Variants in NKAIN2 observed in about 807,000 individuals in gnomAD.
NKAIN2 encodes the protein sodium/potassium-transporting ATPase subunit beta-1-interacting protein 2.
Under a neutral mutation model 32.6 loss-of-function variants are expected in NKAIN2, and 14 were observed. The ratio of observed to expected loss-of-function variants is 0.43; its 90% CI spans 0.28 to 0.67. NKAIN2 has a LOEUF of 0.67. Ranked by LOEUF, NKAIN2 falls within the 30% of genes least tolerant of loss-of-function variation. The pLI is 0.17. For synonymous variants in NKAIN2, 80 were observed against 87.2 expected (o/e 0.92, Z 0.46); for missense variants, 198 against 258.3 (o/e 0.77, Z 1.60).
intron 3 of NKAIN2, among the ~76,000 whole-genome samples, chr6:124,458,700 G>A (rs1246583110): frequency 1.3e-5 from 2 of 151,746 alleles, no homozygotes; most frequent in African/African-American, 4.8e-5. Context: ...ATTTTGAGGC[G>A]ATCTTCTAAT....
intron 2 of NKAIN2, among the ~76,000 whole-genome samples, chr6:124,286,864 A>T (rs1400922163): frequency 3.3e-5 from 5 of 151,738 alleles, no homozygotes; most frequent in Non-Finnish European, 7.4e-5. Flanking sequence ...GTATTTTTTC[A>T]GTAGAGACGA....
At chr6:124,544,717 CATA>C (rs1780033110) in intron 3 of NKAIN2, among the ~76,000 whole-genome samples, 1 of 151,630 alleles carries the variant, frequency 6.6e-6, no homozygotes, top group Non-Finnish European at 1.5e-5. Flanking sequence ...GTCTGTTCAA[CATA>C]ATAGTTAGAC....
At chr6:124,806,037 A>G (rs753782500) in intron 5 of NKAIN2, among the ~76,000 whole-genome samples, 1 of 151,402 alleles carries the variant, frequency 6.6e-6, no homozygotes, top group Non-Finnish European at 1.5e-5. Flanking sequence ...AGTGACGGGG[A>G]GAACGGAACC....
chr6:124,148,950 C>T (rs933648535), intron 1 of NKAIN2, among the ~76,000 whole-genome samples: 3 of 152,168 alleles, frequency 2.0e-5, no homozygotes, highest in African/African-American at 7.2e-5. Context: ...TTCAGTTTCT[C>T]TATACCCTCA....
intron 4 of NKAIN2, among the ~76,000 whole-genome samples, chr6:124,714,228 G>A (rs1775640645): frequency 6.6e-6 from 1 of 152,114 alleles, no homozygotes; most frequent in Non-Finnish European, 1.5e-5. Context: ...AAGCTTCCCA[G>A]TTTTCTTTCA....
At chr6:124,426,301 A>G (rs1429502866) in intron 3 of NKAIN2, among the ~76,000 whole-genome samples, 3 of 152,152 alleles carry the variant, frequency 2.0e-5, no homozygotes, top group Admixed American at 1.3e-4. Flanking sequence ...TAAGACACTA[A>G]AAACATGATC....
chr6:124,631,284 A>AGAT (rs1259517841), intron 3 of NKAIN2, among the ~76,000 whole-genome samples: 1 of 152,184 alleles, frequency 6.6e-6, no homozygotes, highest in Non-Finnish European at 1.5e-5. Flanking sequence ...CAATGGAGGC[A>AGAT]GATTACTAAC....
At chr6:124,022,083 C>CCCAT (rs1281636971) in intron 1 of NKAIN2, among the ~76,000 whole-genome samples, 1 of 149,266 alleles carries the variant, frequency 6.7e-6, no homozygotes, top group Non-Finnish European at 1.5e-5. Flanking sequence ...AGTGCTGTTC[C>CCCAT]CCATCCTGTG....
chr6:124,203,938 G>A (rs551548922), intron 1 of NKAIN2, among the ~76,000 whole-genome samples: 31 of 151,954 alleles, frequency 2.0e-4, no homozygotes, highest in African/African-American at 7.5e-4. Flanking sequence ...TTTCGCAGAA[G>A]GATTGCTTCA....
intron 1 of NKAIN2, among the ~76,000 whole-genome samples, chr6:124,180,050 C>T (rs1231559828): frequency 1.3e-5 from 2 of 151,932 alleles, no homozygotes; most frequent in Non-Finnish European, 2.9e-5. Context: ...AAGTTTTCTC[C>T]TTTCATGGGT....
intron 3 of NKAIN2, among the ~76,000 whole-genome samples, chr6:124,394,573 GAGGAT>G (rs573214821): frequency 4.7e-4 from 71 of 150,712 alleles, no homozygotes; most frequent in African/African-American, 1.7e-3. Flanking sequence ...TGTAATTATA[GAGGAT>G]AGAAGTCCCA....
chr6:124,452,536 A>G (rs1375415737), intron 3 of NKAIN2, among the ~76,000 whole-genome samples: 1 of 152,128 alleles, frequency 6.6e-6, no homozygotes, highest in Non-Finnish European at 1.5e-5. Flanking sequence ...TAAATATGTA[A>G]CCTTTTTACT....
rs144791764 is a variant in NKAIN2, at chr6:124,808,416, T to A, written c.536-9971T>A. Among the ~76,000 whole-genome samples, 3 of 152,244 alleles carry A rather than the reference T, an allele frequency of 2.0e-5. No individual in the cohort carries two copies. The East Asian group carries it at 5.8e-4, about 29-fold the overall frequency. ...TATCTTAATAGATGCAGAAAAGGCC[T>A]TTGACAAAATTCAACAACGCTTCAT... On this transcript the variant is annotated intron_variant, in intron 5 of 6. Coordinates refer to ENST00000368417, the MANE Select transcript of NKAIN2 (RefSeq NM_001040214.3).
At chr6:124,123,380 A>G (rs1177304061) in intron 1 of NKAIN2, among the ~76,000 whole-genome samples, 1 of 152,136 alleles carries the variant, frequency 6.6e-6, no homozygotes, top group Non-Finnish European at 1.5e-5. Flanking sequence ...TGAGACCAAA[A>G]AAAGAACCAA....
At chr6:124,152,866 T>C (rs1279183131) in intron 1 of NKAIN2, among the ~76,000 whole-genome samples, 4 of 151,880 alleles carry the variant, frequency 2.6e-5, no homozygotes, top group Non-Finnish European at 5.9e-5. Context: ...TGGATGGAAC[T>C]GGAGGATGTT....
intron 2 of NKAIN2, among the ~76,000 whole-genome samples, chr6:124,340,057 C>A (rs150605865): frequency 0.01 from 1,562 of 152,020 alleles, 12 homozygotes; most frequent in South Asian, 0.032. Context: ...ATAGGGAAAG[C>A]CCCTTTTATT....
At chr6:124,796,283 G>T (rs998499933) in intron 5 of NKAIN2, among the ~76,000 whole-genome samples, 1 of 152,138 alleles carries the variant, frequency 6.6e-6, no homozygotes, top group Admixed American at 6.5e-5. Context: ...TCTTTGCCTT[G>T]TAGACGGCAC....
At chr6:124,542,558 C>T (rs1779949934) in intron 3 of NKAIN2, among the ~76,000 whole-genome samples, 2 of 152,060 alleles carry the variant, frequency 1.3e-5, no homozygotes, top group Non-Finnish European at 2.9e-5. Flanking sequence ...TGAAGACCTC[C>T]ACAACTGCCT....
chr6:124,086,995 C>T (rs992416689), intron 1 of NKAIN2, among the ~76,000 whole-genome samples: 1 of 151,758 alleles, frequency 6.6e-6, no homozygotes, highest in Non-Finnish European at 1.5e-5. Context: ...GCTAATATCT[C>T]CCTTGAACAT....
Sources: allele counts gnomAD v4.1 joint callset (sites outside exome capture counted in the v4.1 genomes callset), GRCh38; gene constraint gnomAD v4.1.1; transcripts MANE v1.5; gene names NCBI Gene and HGNC (gene_info 2026-07-23, HGNC 2026-07-21).